The following ANK2 variants were observed in gnomAD, a reference collection of about 807,000 sequenced individuals.
ANK2 encodes the protein ankyrin 2, also known as ankyrin-2.
ANK2 carries 83 observed loss-of-function variants against 360.5 expected under a neutral mutation model. That is an observed-to-expected ratio of 0.23 (90% CI 0.19 to 0.28). ANK2 has a LOEUF of 0.28. Ranked by LOEUF, ANK2 falls within the 10% of genes least tolerant of loss-of-function variation. ANK2 has a pLI of 1.00. For missense variants in ANK2, 4,201 were observed against 4,795.7 expected, an observed-to-expected ratio of 0.88 and a Z score of 3.66; for synonymous variants, 1,740 against 1,759.5, an observed-to-expected ratio of 0.99 and a Z score of 0.28.
At chr4:112,915,413 G>T in intron 2 of ANK2, among the ~76,000 whole-genome samples, 1 of 152,178 alleles carries the variant, frequency 6.6e-6, no homozygotes, top group South Asian at 2.1e-4. Context: ...ATAAAATGGG[G>T]TCTATTTTAA....
At chr4:112,800,740 C>T in the ANK2 span, among the ~76,000 whole-genome samples, 974 of 152,256 alleles carry the variant, frequency 6.4e-3, 12 homozygotes, top group African/African-American at 0.022. Flanking sequence ...CTGCAACCTC[C>T]GCATCCCAGG....
At chr4:112,871,177 A>G (rs1314256611) in intron 1 of ANK2, among the ~76,000 whole-genome samples, 1 of 151,320 alleles carries the variant, frequency 6.6e-6, no homozygotes, top group African/African-American at 2.4e-5. Flanking sequence ...TGCTCAATTT[A>G]TTAGCTTTTA....
At chr4:112,867,423 A>G (rs961863992) in intron 1 of ANK2, among the ~76,000 whole-genome samples, 1 of 152,016 alleles carries the variant, frequency 6.6e-6, no homozygotes, top group Non-Finnish European at 1.5e-5. Context: ...TAATACACAT[A>G]TAATAAAATT....
At chr4:113,081,666 G>A (rs1383432975) in intron 1 of ANK2, among the ~76,000 whole-genome samples, 1 of 152,016 alleles carries the variant, frequency 6.6e-6, no homozygotes, top group Admixed American at 6.5e-5. Context: ...ACCATAGACA[G>A]GGACTTGAAA....
In ANK2 at chr4:113,001,042, A is replaced by T. The variant is rs1240016780; in HGVS notation, c.21+96528A>T. Among the ~76,000 whole-genome samples the T allele has an allele frequency of 2.0e-5, 3 of 152,230 alleles. No individual in the cohort carries two copies. In the East Asian group the frequency reaches 5.8e-4, roughly 29 times the overall value. On this transcript the variant is annotated intron_variant, in intron 2 of 30. Coordinates refer to the ANK2 transcript ENST00000503271. ...GTCACTTCCTTTCTTTTTCCTTAAA[A>T]AATAATGTGAGGTCGGGCACGGTGG...
At chr4:113,061,743 G>A (rs190779594) in intron 1 of ANK2, among the ~76,000 whole-genome samples, 97 of 151,882 alleles carry the variant, frequency 6.4e-4, no homozygotes, top group African/African-American at 2.2e-3. Context: ...TGTTTAATGC[G>A]CACAAAAAAA....
intron 1 of ANK2, among the ~76,000 whole-genome samples, chr4:113,154,330 A>G (rs1326283280): frequency 1.3e-5 from 2 of 152,238 alleles, no homozygotes; most frequent in African/African-American, 4.8e-5. Context: ...AAATCCAAGG[A>G]GTAAGGTACT....
At chr4:113,352,563 T>A (rs1351931955) in intron 37 of ANK2, among the ~76,000 whole-genome samples, 1 of 152,216 alleles carries the variant, frequency 6.6e-6, no homozygotes, top group Non-Finnish European at 1.5e-5. Flanking sequence ...ATTCTGAGCT[T>A]GCTACTACTG....
chr4:113,233,978 G>T (rs191954078), intron 5 of ANK2, among the ~76,000 whole-genome samples: 1 of 152,182 alleles, frequency 6.6e-6, no homozygotes, highest in South Asian at 2.1e-4. Context: ...CTGCATCTTT[G>T]CATCAGGGCC....
intron 1 of ANK2, among the ~76,000 whole-genome samples, chr4:113,106,152 A>T (rs1366744912): frequency 6.6e-6 from 1 of 152,174 alleles, no homozygotes; most frequent in East Asian, 1.9e-4. Context: ...AAAAATATCC[A>T]CTAAACACAA....
chr4:113,022,423 C>A (rs1217871146), intron 2 of ANK2, among the ~76,000 whole-genome samples: 1 of 152,092 alleles, frequency 6.6e-6, no homozygotes, highest in African/African-American at 2.4e-5. Flanking sequence ...AAATGCTTCA[C>A]CTTTCACAGT....
chr4:113,296,380 G>A (rs780038500), intron 22 of ANK2, among the ~76,000 whole-genome samples: 4 of 152,150 alleles, frequency 2.6e-5, no homozygotes, highest in South Asian at 2.1e-4. Flanking sequence ...TGTTATTACC[G>A]CTCAAATGCA....
chr4:113,056,896 C>T (rs942030126), intron 1 of ANK2, among the ~76,000 whole-genome samples: 1 of 152,130 alleles, frequency 6.6e-6, no homozygotes, highest in Non-Finnish European at 1.5e-5. Flanking sequence ...CATCTTCTTC[C>T]ACACACTAAT....
the ANK2 span, among the ~76,000 whole-genome samples, chr4:112,809,559 T>TA: frequency 2.4e-4 from 23 of 95,418 alleles, no homozygotes; most frequent in South Asian, 4.0e-4. Flanking sequence ...AGACTCCGTC[T>TA]AAAAAAAAAA....
intron 2 of ANK2, among the ~76,000 whole-genome samples, chr4:112,995,074 G>A (rs776778196): frequency 2.0e-5 from 3 of 152,196 alleles, no homozygotes; most frequent in Non-Finnish European, 4.4e-5. Flanking sequence ...ACATACATAT[G>A]AGTGCATGTG....
chr4:113,120,769 T>A (rs1201225619), intron 1 of ANK2, among the ~76,000 whole-genome samples: 6 of 152,048 alleles, frequency 3.9e-5, no homozygotes, highest in African/African-American at 1.4e-4. Context: ...CCAACCTGCA[T>A]CCTCCAATAA....
chr4:112,787,764 C>A, the ANK2 span, among the ~76,000 whole-genome samples: 1 of 152,116 alleles, frequency 6.6e-6, no homozygotes, highest in Non-Finnish European at 1.5e-5. Context: ...TCTGTGTGAC[C>A]CTGGGATTGT....
intron 2 of ANK2, among the ~76,000 whole-genome samples, chr4:112,989,265 C>T (rs1323290431): frequency 6.6e-6 from 1 of 152,116 alleles, no homozygotes; most frequent in Non-Finnish European, 1.5e-5. Context: ...CATATAATTA[C>T]TTCAATAGGA....
At chr4:112,931,955 T>A (rs2093282515) in intron 2 of ANK2, among the ~76,000 whole-genome samples, 1 of 152,218 alleles carries the variant, frequency 6.6e-6, no homozygotes, top group African/African-American at 2.4e-5. Flanking sequence ...GAAGATTCAA[T>A]TTAATCCATA....
Sources: gnomAD v4.1 joint callset for allele counts (sites outside exome capture counted in the v4.1 genomes callset) on GRCh38, gnomAD v4.1.1 for gene constraint, MANE v1.5 for transcripts, NCBI Gene and HGNC (gene_info 2026-07-23, HGNC 2026-07-21) for gene names.